The following IL1RAPL1 variants were observed in gnomAD, a reference collection of about 807,000 sequenced individuals.
IL1RAPL1 encodes interleukin-1 receptor accessory protein-like 1.
Under a neutral mutation model 48.4 loss-of-function variants are expected in IL1RAPL1, and 3 were observed. The ratio of observed to expected loss-of-function variants is 0.06; its 90% confidence interval spans 0.03 to 0.16. IL1RAPL1 has a LOEUF of 0.16. IL1RAPL1 is among the 10% of genes least tolerant of loss of function. IL1RAPL1 has a pLI of 1.00. For synonymous variants in IL1RAPL1, 185 were observed against 187.7 expected (o/e 0.99, Z 0.12); for missense variants, 349 against 530.6 (o/e 0.66, Z 3.36).
At chrX:29,370,962 G>T (rs1259667697) in intron 3 of IL1RAPL1, among the ~76,000 whole-genome samples, 1 of 109,262 alleles carries the variant, frequency 9.2e-6, no homozygotes, top group Admixed American at 9.9e-5. Context: ...ATCAAATCAT[G>T]GTAATTAGCA....
rs1462094260 is a variant in IL1RAPL1, at chrX:28,782,880, A to G, written c.-24-6440A>G. 3.6e-5 allele frequency among the ~76,000 whole-genome samples: 4 copies of G among 112,153 alleles called. No individual in the cohort carries two copies. In the South Asian group the frequency reaches 1.1e-3, roughly 30 times the overall value. ...TGTTCTAAATATTTTATGTCATTGTATATTTTATAACTTCTTCAGTTCTAA... is the reference window on the plus strand; with the variant it reads ...TGTTCTAAATATTTTATGTCATTGTGTATTTTATAACTTCTTCAGTTCTAA... On this transcript the variant is annotated intron_variant, in intron 1 of 10. Transcript: ENST00000378993.
At chrX:29,763,004 T>C in intron 6 of IL1RAPL1, among the ~76,000 whole-genome samples, 1 of 110,803 alleles carries the variant, frequency 9.0e-6, no homozygotes, top group Non-Finnish European at 1.9e-5. Flanking sequence ...TTGTCATTGC[T>C]CAGAGCTTCA....
At chrX:28,611,696 G>A (rs1454186) in intron 1 of IL1RAPL1, among the ~76,000 whole-genome samples, 5,797 of 112,610 alleles carry the variant, frequency 0.051, 177 homozygotes, top group Non-Finnish European at 0.079. Flanking sequence ...AGCACCACTA[G>A]TACTCTGTTT....
At chrX:29,031,770 G>A (rs1926624609) in intron 2 of IL1RAPL1, among the ~76,000 whole-genome samples, 1 of 110,846 alleles carries the variant, frequency 9.0e-6, no homozygotes, top group Non-Finnish European at 1.9e-5. Flanking sequence ...ATCCTTTTAC[G>A]GTTTTTCTGG....
At chrX:28,782,516 C>G (rs1936433906) in intron 1 of IL1RAPL1, among the ~76,000 whole-genome samples, 1 of 111,711 alleles carries the variant, frequency 9.0e-6, no homozygotes, top group African/African-American at 3.2e-5. Context: ...AATTCCAGAT[C>G]AAAGCTAAAT....
chrX:29,227,009 T>C (rs1442789770), intron 2 of IL1RAPL1, among the ~76,000 whole-genome samples: 1 of 110,319 alleles, frequency 9.1e-6, no homozygotes, highest in Admixed American at 9.8e-5. Flanking sequence ...TTTTTTAATG[T>C]TAGTCATAGG....
intron 2 of IL1RAPL1, among the ~76,000 whole-genome samples, chrX:29,099,777 C>T (rs938737526): frequency 1.8e-5 from 2 of 111,730 alleles, no homozygotes; most frequent in Admixed American, 9.5e-5. Flanking sequence ...AAATAATCTC[C>T]CTTCATTTTA....
intron 2 of IL1RAPL1, among the ~76,000 whole-genome samples, chrX:28,979,506 T>G (rs1925279884): frequency 8.9e-6 from 1 of 111,926 alleles, no homozygotes; most frequent in Non-Finnish European, 1.9e-5. Context: ...CCAATTCAAT[T>G]TTTCTTCTTG....
intron 8 of IL1RAPL1, among the ~76,000 whole-genome samples, chrX:29,933,322 TTATAA>T (rs746237150): frequency 1.9e-3 from 214 of 111,609 alleles, no homozygotes; most frequent in African/African-American, 5.9e-3. Context: ...ACCCCAGAAC[TTATAA>T]TAAAAGAAAA....
intron 1 of IL1RAPL1, among the ~76,000 whole-genome samples, chrX:28,686,157 C>T (rs986148626): frequency 2.7e-5 from 3 of 112,157 alleles, no homozygotes; most frequent in Non-Finnish European, 5.6e-5. Flanking sequence ...TATATCAACT[C>T]TGCCTGGGTC....
chrX:29,437,235 C>T (rs1406713574), intron 5 of IL1RAPL1, among the ~76,000 whole-genome samples: 4 of 110,406 alleles, frequency 3.6e-5, no homozygotes, highest in Non-Finnish European at 7.7e-5. Flanking sequence ...GGTAAGTTTA[C>T]AATACATAGC....
intron 2 of IL1RAPL1, among the ~76,000 whole-genome samples, chrX:29,102,351 A>G (rs546413219): frequency 6.2e-5 from 7 of 112,271 alleles, no homozygotes; most frequent in South Asian, 7.3e-4. Context: ...AAAGAAATAA[A>G]AAGTATCCAA....
At chrX:29,041,693 G>T (rs1166988909) in intron 2 of IL1RAPL1, among the ~76,000 whole-genome samples, 1 of 111,569 alleles carries the variant, frequency 9.0e-6, no homozygotes. Context: ...CCCATATACC[G>T]TGTATTAGTT....
At chrX:28,673,451 T>C (rs913793392) in intron 1 of IL1RAPL1, among the ~76,000 whole-genome samples, 7 of 112,253 alleles carry the variant, frequency 6.2e-5, no homozygotes, top group African/African-American at 2.3e-4. Context: ...GATTTCATAA[T>C]GAAGACACCA....
chrX:28,653,821 C>T (rs1295376578), intron 1 of IL1RAPL1, among the ~76,000 whole-genome samples: 1 of 111,919 alleles, frequency 8.9e-6, no homozygotes, highest in South Asian at 3.8e-4. Context: ...TTAAATCCAA[C>T]TCCTCTGTCA....
chrX:29,815,958 A>G (rs1004365094), intron 6 of IL1RAPL1, among the ~76,000 whole-genome samples: 1 of 111,397 alleles, frequency 9.0e-6, no homozygotes, highest in African/African-American at 3.3e-5. Flanking sequence ...CTAAATACCT[A>G]TATCAAGAGG....
chrX:29,396,689 T>C (rs1423971545), intron 4 of IL1RAPL1, among the ~76,000 whole-genome samples: 1 of 112,120 alleles, frequency 8.9e-6, no homozygotes, highest in East Asian at 2.8e-4. Flanking sequence ...TTTATTTCCA[T>C]GGACAATTCT....
intron 1 of IL1RAPL1, among the ~76,000 whole-genome samples, chrX:28,674,106 G>T (rs758019120): frequency 1.8e-5 from 2 of 111,995 alleles, no homozygotes; most frequent in East Asian, 5.6e-4. Flanking sequence ...CGATTGTTTT[G>T]TTAAATACTT....
chrX:29,457,330 T>G lies in IL1RAPL1; in HGVS notation c.703+58022T>G, dbSNP rs368801094. Among the ~76,000 whole-genome samples the G allele has an allele frequency of 1.5e-4, 17 of 110,424 alleles. No homozygotes were observed. The East Asian group carries it at 3.7e-3, about 24-fold the overall frequency. ...TGAGCATAATACCCAATAGGATGTTTTTTGACCCTTCTTCCCCACCCTAAG... is the reference window on the plus strand; with the variant it reads ...TGAGCATAATACCCAATAGGATGTTGTTTGACCCTTCTTCCCCACCCTAAG... On this transcript the variant is annotated intron_variant, in intron 5 of 10. Coordinates refer to ENST00000378993, the MANE Select transcript of IL1RAPL1 (RefSeq NM_014271.4).
Sources: gnomAD v4.1 joint callset for allele counts (sites outside exome capture counted in the v4.1 genomes callset) on GRCh38, gnomAD v4.1.1 for gene constraint, MANE v1.5 for transcripts, NCBI Gene and HGNC (gene_info 2026-07-23, HGNC 2026-07-21) for gene names.